Variants in SORCS1 observed in about 807,000 individuals in gnomAD.
The protein encoded by SORCS1 is sortilin related VPS10 domain containing receptor 1.
SORCS1 carries 60 observed loss-of-function variants against 146.1 expected under a neutral mutation model. The ratio of observed to expected loss-of-function variants is 0.41; its 90% CI spans 0.33 to 0.51. SORCS1 has a LOEUF of 0.51. Among genes scored for constraint, SORCS1 ranks in the 20% least tolerant of loss-of-function variants. The pLI, the probability that SORCS1 is intolerant of heterozygous loss-of-function variation, is 0.21. For missense variants in SORCS1, 1,352 were observed against 1,487.6 expected (o/e 0.91, Z 1.50); for synonymous variants, 637 against 584.0 (o/e 1.09, Z -1.31).
At chr10:106,655,812 C>T (rs1445265427) in intron 17 of SORCS1, among the ~76,000 whole-genome samples, 1 of 152,152 alleles carries the variant, frequency 6.6e-6, no homozygotes, top group African/African-American at 2.4e-5. Context: ...TAAGCACACA[C>T]CTGCTTTTTG....
chr10:106,989,221 G>C (rs1294322472), intron 1 of SORCS1, among the ~76,000 whole-genome samples: 3 of 132,404 alleles, frequency 2.3e-5, no homozygotes, highest in African/African-American at 8.7e-5. Flanking sequence ...GGTGAGCTGA[G>C]ACTGCATCAC....
intron 1 of SORCS1, among the ~76,000 whole-genome samples, chr10:107,052,716 T>C (rs1365119019): frequency 6.6e-6 from 1 of 152,200 alleles, no homozygotes; most frequent in Non-Finnish European, 1.5e-5. Context: ...TCTTCTCATA[T>C]ATCTCCATGA....
chr10:107,127,238 C>A (rs917516794), intron 1 of SORCS1, among the ~76,000 whole-genome samples: 14 of 152,094 alleles, frequency 9.2e-5, no homozygotes, highest in African/African-American at 3.4e-4. Context: ...GGATTCTATG[C>A]TGTCATTTGG....
chr10:106,778,456 C>T (rs1172041479), intron 3 of SORCS1, among the ~76,000 whole-genome samples: 2 of 152,038 alleles, frequency 1.3e-5, no homozygotes, highest in African/African-American at 4.8e-5. Flanking sequence ...AGATGGCCGA[C>T]AAGGAGCCAT....
Position 106,669,108 on chromosome 10 carries a change from C to T in SORCS1, c.2190-1306G>A, listed in dbSNP as rs556261269. The stretch of plus-strand genomic sequence containing the variant: ...CATTTCAGCTGGTGGGATGAGTAGC[C>T]GATTCCAATCACAAATGAATGCAGG... On this transcript the variant is annotated intron_variant, in intron 16 of 25. Transcript: ENST00000263054. Among the ~76,000 whole-genome samples the T allele has an allele frequency of 1.1e-3, 173 of 152,112 alleles. 1 individual carries two copies. The highest frequency in any genetic ancestry group is 1.7e-3 in the Non-Finnish European group (115 of 68,020).
chr10:107,097,178 T>C (rs1193390659), intron 1 of SORCS1, among the ~76,000 whole-genome samples: 2 of 152,264 alleles, frequency 1.3e-5, no homozygotes, highest in East Asian at 3.8e-4. Context: ...TAAAAACCTC[T>C]GTGCTCAGGG....
intron 1 of SORCS1, among the ~76,000 whole-genome samples, chr10:107,152,811 A>G (rs1298200451): frequency 6.6e-6 from 1 of 152,194 alleles, no homozygotes; most frequent in East Asian, 1.9e-4. Context: ...ATGGACTAAT[A>G]CACTCACTGA....
At position 106,723,139 on chromosome 10, in the gene SORCS1, G is replaced by A. The variant is rs536452076; in HGVS notation, c.1024+6911C>T. Among the ~76,000 whole-genome samples the A allele has an allele frequency of 3.3e-4, 50 of 152,210 alleles. No homozygotes were observed. In the South Asian group the frequency reaches 0.01, roughly 31 times the overall value. ...AGTTTAAGACCAGCCTGGGCAACAT[G>A]GTGAGACCTTATCTCTACTAAAAAC... On this transcript the variant is annotated intron_variant, in intron 6 of 25. Coordinates refer to ENST00000263054, the MANE Select transcript of SORCS1 (RefSeq NM_052918.5).
chr10:107,016,791 T>G (rs1189405105), intron 1 of SORCS1, among the ~76,000 whole-genome samples: 1 of 152,148 alleles, frequency 6.6e-6, no homozygotes, highest in Non-Finnish European at 1.5e-5. Flanking sequence ...AATAGATGAC[T>G]CATACCATAA....
intron 19 of SORCS1, among the ~76,000 whole-genome samples, chr10:106,625,162 A>T (rs1366554926): frequency 6.6e-6 from 1 of 151,868 alleles, no homozygotes; most frequent in Admixed American, 6.6e-5. Context: ...GTGCTGCAGG[A>T]AACAACTGAC....
At chr10:106,776,718 G>C (rs1474084788) in intron 3 of SORCS1, 26 bp from the exon 4 acceptor site, 1 of 1,585,304 alleles carries the variant, frequency 6.3e-7, no homozygotes, top group Non-Finnish European at 8.6e-7. Context: ...GTTGGAGAAA[G>C]AAACAACAGA....
chr10:106,737,028 T>C (rs1468788656), intron 5 of SORCS1, among the ~76,000 whole-genome samples: 1 of 152,094 alleles, frequency 6.6e-6, no homozygotes, highest in Non-Finnish European at 1.5e-5. Context: ...CTATGATGTC[T>C]GCAGCAAAGT....
intron 1 of SORCS1, among the ~76,000 whole-genome samples, chr10:107,104,476 A>G (rs1965166224): frequency 1.3e-5 from 2 of 152,032 alleles, no homozygotes; most frequent in African/African-American, 4.8e-5. Context: ...CAGACCAGTC[A>G]CCTCTCACCT....
chr10:106,957,284 C>T (rs1294996405), intron 1 of SORCS1, among the ~76,000 whole-genome samples: 1 of 151,598 alleles, frequency 6.6e-6, no homozygotes. Context: ...AGCAATTCTC[C>T]TGCCTCAGCC....
intron 19 of SORCS1, among the ~76,000 whole-genome samples, chr10:106,628,999 C>CAG (rs1226029661): frequency 2.0e-5 from 3 of 152,128 alleles, no homozygotes; most frequent in African/African-American, 7.2e-5. Flanking sequence ...TGAAGCAATC[C>CAG]AGAGAGTCCA....
At chr10:107,004,374 G>T (rs1305883685) in intron 1 of SORCS1, among the ~76,000 whole-genome samples, 2 of 152,008 alleles carry the variant, frequency 1.3e-5, no homozygotes, top group Non-Finnish European at 2.9e-5. Context: ...AGAAAAAGTG[G>T]TCAGTGGACT....
chr10:106,771,116 A>T lies in SORCS1; in HGVS notation c.885+5418T>A, dbSNP rs1330949556. ...CACAACATGGCACTCTCCCCTTTAC[A>T]AATCACGTCTCCGTTGCAAATCCTA... On this transcript the variant is annotated intron_variant, in intron 4 of 25. Coordinates refer to ENST00000263054, the MANE Select transcript of SORCS1 (RefSeq NM_052918.5). 2.0e-5 allele frequency among the ~76,000 whole-genome samples: 3 copies of T among 152,194 alleles called. No individual in the cohort carries two copies. The East Asian group carries it at 5.8e-4, about 29-fold the overall frequency.
intron 3 of SORCS1, among the ~76,000 whole-genome samples, chr10:106,782,124 G>A (rs1415020): frequency 0.3 from 45,073 of 152,080 alleles, 6,875 homozygotes; most frequent in Non-Finnish European, 0.31. Context: ...CAGACTGTCT[G>A]CTTGTGACCT....
At chr10:106,865,713 G>C (rs891771579) in intron 2 of SORCS1, among the ~76,000 whole-genome samples, 1 of 150,980 alleles carries the variant, frequency 6.6e-6, no homozygotes, top group Non-Finnish European at 1.5e-5. Flanking sequence ...GAGAGAGCAA[G>C]ACTCCATCTC....
Sources: allele counts gnomAD v4.1 joint callset (sites outside exome capture counted in the v4.1 genomes callset), GRCh38; gene constraint gnomAD v4.1.1; transcripts MANE v1.5; gene names NCBI Gene and HGNC (gene_info 2026-07-23, HGNC 2026-07-21).